The following TRDN variants were observed in gnomAD, a reference collection of about 807,000 sequenced individuals.
TRDN encodes the protein triadin in skeletal muscle.
In TRDN, 161 loss-of-function variants were observed where a neutral mutation model predicts 149.7. The ratio of observed to expected loss-of-function variants is 1.08; its 90% CI spans 0.95 to 1.23. The LOEUF is 1.23. Among genes scored for constraint, TRDN ranks in the 50% most tolerant of loss-of-function variants. The probability of loss-of-function intolerance (pLI) is 0.00; values close to 1 mark genes in which losing one functional copy is unlikely to be tolerated. For synonymous variants in TRDN, 294 were observed against 250.5 expected (o/e 1.17, Z -1.64); for missense variants, 896 against 823.5 (o/e 1.09, Z -1.08).
intron 1 of TRDN, 44 bp from the exon 2 acceptor site, chr6:123,571,176 G>C (rs1460915527): frequency 1.3e-6 from 2 of 1,592,500 alleles, no homozygotes; most frequent in Admixed American, 3.4e-5. Flanking sequence ...AGAGATTCAT[G>C]GTAAATATTG....
chr6:123,347,460 A>G (rs1035451193), intron 21 of TRDN, among the ~76,000 whole-genome samples: 4 of 151,994 alleles, frequency 2.6e-5, no homozygotes, highest in Admixed American at 6.6e-5. Context: ...ACCTTACTTA[A>G]AGCATTTTAT....
chr6:123,259,024 CTCTTT>C (rs1412023788), intron 35 of TRDN, among the ~76,000 whole-genome samples: 1 of 151,970 alleles, frequency 6.6e-6, no homozygotes, highest in East Asian at 1.9e-4. Flanking sequence ...TGATTCTTCT[CTCTTT>C]TCTTCTTTAT....
intron 8 of TRDN, chr6:123,502,294 CA>C: frequency 1.2e-6 from 1 of 856,930 alleles, no homozygotes; most frequent in Non-Finnish European, 1.4e-6. Context: ...CAAAATATTT[CA>C]TTAATGACAT....
At chr6:123,265,261 T>C in intron 33 of TRDN, 57 bp downstream of exon 33, 3 of 1,262,964 alleles carry the variant, frequency 2.4e-6, no homozygotes, top group Non-Finnish European at 3.2e-6. Context: ...TCAAAGAAAT[T>C]GTGAAATTAA....
chr6:123,281,201 A>C (rs562653533), intron 24 of TRDN, among the ~76,000 whole-genome samples: 1 of 152,232 alleles, frequency 6.6e-6, no homozygotes, highest in South Asian at 2.1e-4. Flanking sequence ...TAAGAGAAGC[A>C]GAGTAATCAC....
chr6:123,437,959 G>A (rs1311935618), intron 12 of TRDN, 104 bp downstream of exon 12: 1 of 994,034 alleles, frequency 1.0e-6, no homozygotes, highest in Non-Finnish European at 1.5e-6. Flanking sequence ...GTCTTGGGTA[G>A]ATATAAGTAA....
intron 1 of TRDN, among the ~76,000 whole-genome samples, chr6:123,585,785 G>A (rs1177403692): frequency 6.6e-6 from 1 of 152,020 alleles, no homozygotes; most frequent in Non-Finnish European, 1.5e-5. Flanking sequence ...CTGGAGGAAC[G>A]CCTGCCCGCT....
chr6:123,426,431 C>A (rs551161476), intron 12 of TRDN, among the ~76,000 whole-genome samples: 1 of 152,240 alleles, frequency 6.6e-6, no homozygotes, highest in Non-Finnish European at 1.5e-5. Flanking sequence ...GTCCACTGAG[C>A]CCCTGCTGCA....
At chr6:123,472,174 T>C (rs1777191901) in intron 9 of TRDN, among the ~76,000 whole-genome samples, 1 of 151,932 alleles carries the variant, frequency 6.6e-6, no homozygotes. Context: ...AGGTACCGGG[T>C]TCATCTCACT....
chr6:123,335,976 G>T (rs1437558608), intron 22 of TRDN, among the ~76,000 whole-genome samples: 1 of 151,834 alleles, frequency 6.6e-6, no homozygotes, highest in African/African-American at 2.4e-5. Context: ...GTGGAGGCTG[G>T]GAATGGAACT....
At chr6:123,579,514 T>C (rs542843505) in intron 1 of TRDN, among the ~76,000 whole-genome samples, 71 of 152,338 alleles carry the variant, frequency 4.7e-4, no homozygotes, top group African/African-American at 1.7e-3. Flanking sequence ...ATCGATTAGC[T>C]TTTTGATGTG....
intron 2 of TRDN, among the ~76,000 whole-genome samples, chr6:123,569,175 G>T (rs1481300523): frequency 6.6e-6 from 1 of 152,072 alleles, no homozygotes; most frequent in Non-Finnish European, 1.5e-5. Context: ...AGATCCCTAG[G>T]GCATGAAAAG....
At chr6:123,502,069 T>G (rs1778724180) in intron 8 of TRDN, 1 of 983,898 alleles carries the variant, frequency 1.0e-6, no homozygotes, top group East Asian at 1.1e-4. Context: ...TTTTACACTC[T>G]GTATTTATGG....
rs1315153378 is a variant in TRDN, at chr6:123,216,812, G to A, written c.*1789C>T. ...TATTATATTTTTCTTGTACAATACA[G>A]CACCTAACACAGCGCCCTAAAAGAG... On this transcript the variant is annotated 3_prime_UTR_variant, in exon 41 of 41. Transcript: ENST00000334268. The A allele has an allele frequency of 1.3e-5, 2 of 151,830 alleles. No homozygotes were observed. The highest frequency in any genetic ancestry group is 6.6e-5 in the Admixed American group (1 of 15,198). The allele number at this position is 151,830 out of a possible 1,614,324, so 9.4% of individuals were successfully genotyped here.
At chr6:123,443,507 G>A (rs1775074126) in intron 10 of TRDN, among the ~76,000 whole-genome samples, 1 of 152,008 alleles carries the variant, frequency 6.6e-6, no homozygotes, top group African/African-American at 2.4e-5. Context: ...GAAGAGCCAG[G>A]CCTGGCTGGG....
chr6:123,315,693 A>G (rs1778997294), intron 24 of TRDN, among the ~76,000 whole-genome samples: 1 of 151,916 alleles, frequency 6.6e-6, no homozygotes, highest in African/African-American at 2.4e-5. Context: ...AAATCTCCTT[A>G]TAAAGATACA....
intron 1 of TRDN, among the ~76,000 whole-genome samples, chr6:123,575,982 A>G (rs1782835305): frequency 6.6e-6 from 1 of 152,160 alleles, no homozygotes; most frequent in South Asian, 2.1e-4. Context: ...AAAAGCATTA[A>G]TTATGATTTT....
At chr6:123,494,165 T>C (rs1432953254) in intron 9 of TRDN, among the ~76,000 whole-genome samples, 2 of 152,166 alleles carry the variant, frequency 1.3e-5, no homozygotes, top group Non-Finnish European at 2.9e-5. Flanking sequence ...AGAAATCTAA[T>C]CCTATAGAAC....
intron 8 of TRDN, among the ~76,000 whole-genome samples, chr6:123,501,095 T>C (rs549711186): frequency 7.9e-5 from 12 of 152,004 alleles, no homozygotes; most frequent in African/African-American, 2.6e-4. Context: ...TGTGTGTTTA[T>C]GGTAGGTGTG....
Sources: gnomAD v4.1 joint callset for allele counts (sites outside exome capture counted in the v4.1 genomes callset) on GRCh38, gnomAD v4.1.1 for gene constraint, MANE v1.5 for transcripts, NCBI Gene and HGNC (gene_info 2026-07-23, HGNC 2026-07-21) for gene names.